OPCML: variants seen among roughly 807,000 people sequenced by gnomAD.
OPCML encodes the protein opioid binding protein/cell adhesion molecule like.
A neutral mutation model predicts 37.8 loss-of-function variants in OPCML; 13 were observed. That is an observed-to-expected ratio of 0.34 (90% CI 0.22 to 0.55). The LOEUF (loss-of-function observed/expected upper bound fraction) is 0.55. Among genes scored for constraint, OPCML ranks in the 20% least tolerant of loss-of-function variants. The probability of loss-of-function intolerance (pLI) is 0.91; values close to 1 mark genes in which losing one functional copy is unlikely to be tolerated. For synonymous variants in OPCML, 176 were observed against 168.8 expected, an observed-to-expected ratio of 1.04 and a Z score of -0.33; for missense variants, 341 against 435.6, an observed-to-expected ratio of 0.78 and a Z score of 1.93.
At chr11:133,360,557 A>G (rs1944390260) in intron 1 of OPCML, 1 of 152,264 alleles carries the variant, frequency 6.6e-6, no homozygotes, top group South Asian at 2.1e-4. Flanking sequence ...GGATGCTTTC[A>G]ATAAAGGCTG....
intron 3 of OPCML, among the ~76,000 whole-genome samples, chr11:132,599,653 A>C (rs1191027189): frequency 6.6e-5 from 10 of 152,128 alleles, no homozygotes; most frequent in African/African-American, 2.4e-4. Context: ...GAGTGCCTAC[A>C]CCTAGTTGTA....
At chr11:133,186,459 C>T (rs1938076489) in intron 1 of OPCML, among the ~76,000 whole-genome samples, 1 of 134,824 alleles carries the variant, frequency 7.4e-6, no homozygotes, top group African/African-American at 2.9e-5. Flanking sequence ...ATGCTTACAC[C>T]AGATGGGCAA....
At chr11:133,155,149 C>T (rs1378282220) in intron 1 of OPCML, among the ~76,000 whole-genome samples, 1 of 152,252 alleles carries the variant, frequency 6.6e-6, no homozygotes, top group Non-Finnish European at 1.5e-5. Context: ...TGAAAACCAA[C>T]AGTCTGTGAG....
intron 3 of OPCML, among the ~76,000 whole-genome samples, chr11:132,559,971 T>C (rs910401319): frequency 6.6e-6 from 1 of 152,252 alleles, no homozygotes; most frequent in African/African-American, 2.4e-5. Flanking sequence ...ATAAAAGCCA[T>C]AATTTATCTA....
chr11:132,705,437 A>T (rs1290939887), intron 2 of OPCML, among the ~76,000 whole-genome samples: 1 of 151,860 alleles, frequency 6.6e-6, no homozygotes, highest in East Asian at 1.9e-4. Flanking sequence ...CAAAAAAAAT[A>T]ACAAATTCAG....
At chr11:133,260,375 A>G (rs11223415) in intron 1 of OPCML, among the ~76,000 whole-genome samples, 100,181 of 151,892 alleles carry the variant, frequency 0.66, 34,783 homozygotes, top group East Asian at 0.91. Context: ...GACCTGACTA[A>G]AGAGGGTCTG....
At chr11:132,460,316 T>G (rs2096096889) in intron 4 of OPCML, among the ~76,000 whole-genome samples, 1 of 152,184 alleles carries the variant, frequency 6.6e-6, no homozygotes, top group Non-Finnish European at 1.5e-5. Context: ...CTCCACCATG[T>G]GAAACCTCCA....
chr11:133,316,204 A>G (rs1845687205), intron 1 of OPCML, among the ~76,000 whole-genome samples: 1 of 152,170 alleles, frequency 6.6e-6, no homozygotes, highest in Non-Finnish European at 1.5e-5. Flanking sequence ...TCAGATAGGA[A>G]CAAGACTGAG....
At chr11:132,439,808 G>A (rs1372039800) in intron 4 of OPCML, among the ~76,000 whole-genome samples, 1 of 151,816 alleles carries the variant, frequency 6.6e-6, no homozygotes, top group Non-Finnish European at 1.5e-5. Flanking sequence ...ATTTTGCCAT[G>A]AGTAATTAAA....
At chr11:132,806,357 G>T (rs33997287) in intron 2 of OPCML, among the ~76,000 whole-genome samples, 11,396 of 152,102 alleles carry the variant, frequency 0.075, 479 homozygotes, top group Non-Finnish European at 0.093. Context: ...ACTGTTAGCT[G>T]TCTACATAAG....
At chr11:132,914,061 T>C (rs1944522640) in intron 2 of OPCML, among the ~76,000 whole-genome samples, 1 of 152,164 alleles carries the variant, frequency 6.6e-6, no homozygotes, top group Non-Finnish European at 1.5e-5. Flanking sequence ...ATATAATCCA[T>C]CTCACTGCTC....
chr11:133,072,210 C>T (rs982590547), intron 1 of OPCML, among the ~76,000 whole-genome samples: 4 of 152,090 alleles, frequency 2.6e-5, no homozygotes, highest in African/African-American at 9.7e-5. Flanking sequence ...GGTGCATAAC[C>T]TTGGGAATAT....
At chr11:133,374,254 A>C (rs1461467691) in intron 1 of OPCML, among the ~76,000 whole-genome samples, 1 of 152,218 alleles carries the variant, frequency 6.6e-6, no homozygotes, top group African/African-American at 2.4e-5. Context: ...CTATGAGTCC[A>C]TGTACATAAA....
chr11:133,208,424 C>A lies in OPCML; in HGVS notation c.62-265414G>T, dbSNP rs561114843. The stretch of plus-strand genomic sequence containing the variant: ...ATAACTCTCTGGAGTTTACTCTGGG[C>A]GCAGGATGTGGTGCAGAGTAAATCA... On this transcript the variant is annotated intron_variant, in intron 1 of 7. Coordinates refer to ENST00000524381, the MANE Select transcript of OPCML (RefSeq NM_001012393.5). The surrounding 1 kb of genome is among the most constrained non-coding windows in gnomAD (Gnocchi z 8.9). 6.6e-6 allele frequency among the ~76,000 whole-genome samples: 1 copy of A among 152,084 alleles called. No homozygotes were observed. Among genetic ancestry groups the A allele is most frequent in the African/African-American group, 2.4e-5 (1 of 41,420 alleles).
At chr11:132,669,763 T>TTCTTTCCCAATATCCAGCCCCATTTTCCA in intron 2 of OPCML, among the ~76,000 whole-genome samples, 1 of 152,330 alleles carries the variant, frequency 6.6e-6, no homozygotes, top group Admixed American at 6.5e-5. Flanking sequence ...AAAAAGTCTC[T>TTCTTTCCCAATATCCAGCCCCATTTTCCA]TCTTTCCCAA....
chr11:132,649,503 G>A (rs1024843390), intron 3 of OPCML, among the ~76,000 whole-genome samples: 1 of 152,112 alleles, frequency 6.6e-6, no homozygotes, highest in African/African-American at 2.4e-5. Flanking sequence ...GCAGGGGGCG[G>A]GGCAGGTGCA....
intron 1 of OPCML, among the ~76,000 whole-genome samples, chr11:133,376,786 G>C (rs551609978): frequency 3.3e-4 from 50 of 152,302 alleles, no homozygotes; most frequent in Non-Finnish European, 5.9e-4. Context: ...AGCATGCAAT[G>C]AAACTAGCTT....
intron 1 of OPCML, among the ~76,000 whole-genome samples, chr11:133,483,906 T>C (rs1191728956): frequency 1.3e-5 from 2 of 151,344 alleles, no homozygotes; most frequent in African/African-American, 2.4e-5. Context: ...GATGAATAGA[T>C]GATGGATAGA....
In OPCML at chr11:133,294,970, C is replaced by T. The variant is rs938950533; in HGVS notation, c.61+237294G>A. 2.6e-5 allele frequency among the ~76,000 whole-genome samples: 4 copies of T among 151,784 alleles called. No individual in the cohort carries two copies. The East Asian group carries it at 7.8e-4, about 29-fold the overall frequency. ...TCTCTAGTAGCTGGGATTACAGGCA[C>T]CTGCCACCATGCCCAGCTAATTATT... On this transcript the variant is annotated intron_variant, in intron 1 of 7. Coordinates refer to ENST00000524381, the MANE Select transcript of OPCML (RefSeq NM_001012393.5).
Sources: gnomAD v4.1 joint callset for allele counts (sites outside exome capture counted in the v4.1 genomes callset) on GRCh38, gnomAD v4.1.1 for gene constraint, Gnocchi (gnomAD v3.1) non-coding constraint, MANE v1.5 for transcripts, NCBI Gene and HGNC (gene_info 2026-07-23, HGNC 2026-07-21) for gene names.